Variants in RUFY2 observed in about 807,000 individuals in gnomAD.
RUFY2 encodes the protein RUN and FYVE domain containing 2.
In RUFY2, 49 loss-of-function variants were observed where a neutral mutation model predicts 94.4. That is an observed-to-expected ratio of 0.52 (90% confidence interval 0.41 to 0.66). The LOEUF is 0.66. Among genes scored for constraint, RUFY2 ranks in the 30% least tolerant of loss-of-function variants. The probability of loss-of-function intolerance (pLI) is 0.00; values close to 1 mark genes in which losing one functional copy is unlikely to be tolerated. For synonymous variants in RUFY2, 255 were observed against 235.7 expected, an observed-to-expected ratio of 1.08 and a Z score of -0.75; for missense variants, 541 against 692.8, an observed-to-expected ratio of 0.78 and a Z score of 2.46.
At position 68,406,725 on chromosome 10, in the gene RUFY2, G is replaced by C. The variant is rs1564864329; in HGVS notation, c.4+461C>G. 3.2e-6 allele frequency: 5 copies of C among 1,580,730 alleles called. No individual in the cohort carries two copies. In the Admixed American group the frequency reaches 5.3e-5, roughly 17 times the overall value. On this transcript the variant is annotated intron_variant, in intron 1 of 17. Coordinates refer to ENST00000602465, the MANE Select transcript of RUFY2 (RefSeq NM_001330103.2). ...AGCAAGGCTGCCCAGAGGCCTGGGG[G>C]CCCCCCAGGACCATCGCGGCGGGCT...
intron 13 of RUFY2, among the ~76,000 whole-genome samples, chr10:68,366,766 A>ATATATAT (rs2047863229): frequency 7.5e-6 from 1 of 134,000 alleles, no homozygotes; most frequent in Non-Finnish European, 1.5e-5. Context: ...ATATAATATT[A>ATATATAT]AATATATTAA....
chr10:68,379,557 TTGTGTGTGTGTGTTTGTGTGTGTGTG>T lies in RUFY2; in HGVS notation c.1108-62_1108-37del, dbSNP rs773210163. 7 of 1,470,654 alleles carry T rather than the reference TTGTGTGTGTGTGTTTGTGTGTGTGTG, an allele frequency of 4.8e-6. No homozygotes were observed. The East Asian group carries it at 1.4e-4, about 29-fold the overall frequency. 91.1% of individuals were successfully genotyped at this position (1,470,654 alleles called of 1,614,324 possible). A position where few individuals can be genotyped will look rare whatever the true frequency, so the allele number is the denominator to read the frequency against. On this transcript the variant is annotated intron_variant, in intron 11 of 17. Transcript: ENST00000602465. ...AAACAAAAGCTATGGTGGTTTTGAT[TTGTGTGTGTGTGTTTGTGTGTGTGTG>T]TGTGTGCGTGTTTTTAATAGATAGG...
At position 68,382,468 on chromosome 10, in the gene RUFY2, A is replaced by G. The variant is rs2049139833; in HGVS notation, c.940-1069T>C. 2.0e-5 allele frequency among the ~76,000 whole-genome samples: 3 copies of G among 151,660 alleles called. No individual in the cohort carries two copies. The South Asian group carries it at 6.2e-4, about 32-fold the overall frequency. ...GGTGGCTCATGCAGGTAATCCCAGC[A>G]CTTTAGGAGGCCAAGGTGGGCAGAT... On this transcript the variant is annotated intron_variant, in intron 10 of 17. Coordinates refer to ENST00000602465, the MANE Select transcript of RUFY2 (RefSeq NM_001330103.2).
At position 68,367,982 on chromosome 10, in the gene RUFY2, T is replaced by C. The variant is rs537293988; in HGVS notation, c.1326-3869A>G. Among the ~76,000 whole-genome samples, 201 of 151,562 alleles carry C rather than the reference T, an allele frequency of 1.3e-3. 1 individual carries two copies. The highest frequency in any genetic ancestry group is 1.8e-3 in the Non-Finnish European group (122 of 67,764). On this transcript the variant is annotated intron_variant, in intron 13 of 17. Coordinates refer to ENST00000602465, the MANE Select transcript of RUFY2 (RefSeq NM_001330103.2). ...TGTGGGTTGTCTTTTTTTTTTTTTT[T>C]TGAGACGGAGTCTCGCTCTGTCGCC...
Position 68,343,519 on chromosome 10 carries a change from A to T in RUFY2, c.*2249T>A, listed in dbSNP as rs1315134181. 2.0e-5 allele frequency: 3 copies of T among 152,604 alleles called. No individual in the cohort carries two copies. The highest frequency in any genetic ancestry group is 4.4e-5 in the Non-Finnish European group (3 of 68,014). The allele number at this position is 152,604 out of a possible 1,614,324, so 9.5% of individuals were successfully genotyped here. On this transcript the variant is annotated 3_prime_UTR_variant, in exon 18 of 18. Transcript: ENST00000602465. ...CAAAATTGCCCTTTTAAAGCAGGCT[A>T]ATTTTCCAAATATTTATTTAGTTCA...
intron 13 of RUFY2, among the ~76,000 whole-genome samples, chr10:68,366,210 C>A (rs2047798255): frequency 6.6e-6 from 1 of 151,012 alleles, no homozygotes; most frequent in Non-Finnish European, 1.5e-5. Context: ...ACCCATAATT[C>A]CAGCTACTAC....
chr10:68,371,421 CAA>C (rs570547947), intron 13 of RUFY2, among the ~76,000 whole-genome samples: 1 of 134,226 alleles, frequency 7.5e-6, no homozygotes, highest in Non-Finnish European at 1.6e-5. Context: ...GACTCCATCT[CAA>C]AAAAAAAAAA....
intron 15 of RUFY2, among the ~76,000 whole-genome samples, chr10:68,360,285 T>A (rs945940922): frequency 4.6e-5 from 7 of 151,642 alleles, no homozygotes; most frequent in Non-Finnish European, 8.8e-5. Flanking sequence ...ATAAAATATA[T>A]AAATAAAAAT....
chr10:68,382,195 TC>T (rs1326144417), intron 10 of RUFY2, among the ~76,000 whole-genome samples: 1 of 151,264 alleles, frequency 6.6e-6, no homozygotes, highest in Non-Finnish European at 1.5e-5. Context: ...ACCACAGGGG[TC>T]TGCCACTATG....
At chr10:68,401,329 G>C (rs751208666) in intron 3 of RUFY2, among the ~76,000 whole-genome samples, 1 of 152,060 alleles carries the variant, frequency 6.6e-6, no homozygotes, top group Non-Finnish European at 1.5e-5. Flanking sequence ...TTAACACTCA[G>C]AAAACAAAGA....
intron 13 of RUFY2, among the ~76,000 whole-genome samples, chr10:68,371,460 C>T (rs548365851): frequency 2.6e-5 from 4 of 151,530 alleles, no homozygotes; most frequent in South Asian, 2.1e-4. Flanking sequence ...GGCATGATGG[C>T]GCACGCCTGT....
At chr10:68,368,869 G>A (rs1197436566) in intron 13 of RUFY2, among the ~76,000 whole-genome samples, 3 of 152,074 alleles carry the variant, frequency 2.0e-5, no homozygotes, top group South Asian at 4.2e-4. Flanking sequence ...AGCTGTTCCC[G>A]GGCCAAAGGG....
chr10:68,351,298 A>AT (rs2046653347), intron 16 of RUFY2, among the ~76,000 whole-genome samples: 1 of 149,976 alleles, frequency 6.7e-6, no homozygotes, highest in Admixed American at 6.6e-5. Flanking sequence ...CGCCCGGCTA[A>AT]TTTTTTCTTT....
At chr10:68,393,026 C>T (rs1391040754) in intron 7 of RUFY2, 112 bp downstream of exon 7, 1 of 467,652 alleles carries the variant, frequency 2.1e-6, no homozygotes. Context: ...CTCTCTATCC[C>T]CTCAACCCCT....
chr10:68,390,829 C>T (rs2049920542), intron 7 of RUFY2, among the ~76,000 whole-genome samples: 1 of 151,090 alleles, frequency 6.6e-6, no homozygotes. Flanking sequence ...TGCAGTGATG[C>T]GATCATAGTT....
intron 12 of RUFY2, 186 bp from the exon 13 acceptor site, chr10:68,377,158 T>C: frequency 6.9e-7 from 1 of 1,450,016 alleles, no homozygotes; most frequent in Non-Finnish European, 9.0e-7. Context: ...TTTTGTGATT[T>C]TTTTTTTTCA....
rs1355009671 is a variant in RUFY2 at position 68,379,438 on chromosome 10, C to A, written c.1191G>T (p.Arg397Ser). Residue 397 changes from arginine to serine, a missense_variant, in exon 12 of 18, where the codon AGG (arginine) becomes AGT (serine). Arg to Ser is a moderately radical substitution (Grantham distance 110, BLOSUM62 -1). This residue lies in a region of RUFY2 where 403 missense variants were observed against 480.7 expected (regional missense o/e 0.84). Transcript: ENST00000602465. ...EKTNKITAAMRQLEQRLQQAE... is the reference protein window; with the variant it reads ...EKTNKITAAMSQLEQRLQQAE... ...AAATGCTGTACCTTTGTTCCAGCTG[C>A]CTCATGGCTGCAGTAATTTTATTGG... 6.2e-7 allele frequency: 1 copy of A among 1,607,690 alleles called. No individual in the cohort carries two copies.
In RUFY2 at chr10:68,345,726, C is replaced by A. The variant is rs1399966790; in HGVS notation, c.*42G>T. Reference sequence around the variant, plus strand: ...CCTTTGTATACAACATCATAACATTCATTGTAGGTAATTTCATACATAAGG... The same window carrying A: ...CCTTTGTATACAACATCATAACATTAATTGTAGGTAATTTCATACATAAGG... On this transcript the variant is annotated 3_prime_UTR_variant, in exon 18 of 18. Transcript: ENST00000602465. The A allele has an allele frequency of 6.4e-7, 1 of 1,571,528 alleles. No homozygotes were observed. The highest frequency in any genetic ancestry group is 8.7e-7 in the Non-Finnish European group (1 of 1,148,846).
At chr10:68,398,784 T>C (rs533604427) in intron 3 of RUFY2, among the ~76,000 whole-genome samples, 1 of 152,274 alleles carries the variant, frequency 6.6e-6, no homozygotes, top group East Asian at 1.9e-4. Context: ...AGGAAGAGAC[T>C]TGATCTTCAC....
Sources: allele counts gnomAD v4.1 joint callset (sites outside exome capture counted in the v4.1 genomes callset), GRCh38; gene constraint gnomAD v4.1.1; regional missense constraint gnomAD v4.1.1; transcripts MANE v1.5; gene names NCBI Gene and HGNC (gene_info 2026-07-23, HGNC 2026-07-21).